The following ABCC4 variants were observed in gnomAD, a reference collection of about 807,000 sequenced individuals.
ABCC4 encodes the protein ATP binding cassette subfamily C member 4 (PEL blood group).
In ABCC4, 102 loss-of-function variants were observed where a neutral mutation model predicts 168.5. That is an observed-to-expected ratio of 0.61 (90% CI 0.52 to 0.71). The LOEUF (loss-of-function observed/expected upper bound fraction) is 0.71, where lower values mean the gene tolerates loss of function less well. Among genes scored for constraint, ABCC4 ranks in the 30% least tolerant of loss-of-function variants. ABCC4 has a pLI of 0.00. For synonymous variants in ABCC4, 617 were observed against 590.7 expected, an observed-to-expected ratio of 1.04 and a Z score of -0.65; for missense variants, 1,402 against 1,605.8, an observed-to-expected ratio of 0.87 and a Z score of 2.17.
intron 26 of ABCC4, chr13:95,053,818 A>G (rs1202567880): frequency 7.2e-5 from 11 of 152,534 alleles, no homozygotes; most frequent in Non-Finnish European, 1.2e-4. Context: ...CTCTACTAAA[A>G]ATACAAAAAT....
chr13:95,270,592 C>A (rs1375062012), intron 1 of ABCC4, among the ~76,000 whole-genome samples: 3 of 152,180 alleles, frequency 2.0e-5, no homozygotes, highest in Non-Finnish European at 4.4e-5. Context: ...AGCCCAGCGT[C>A]AACCAAGCAC....
intron 1 of ABCC4, among the ~76,000 whole-genome samples, chr13:95,290,122 A>AGATAGATG (rs2041357943): frequency 6.6e-6 from 1 of 151,500 alleles, no homozygotes; most frequent in Non-Finnish European, 1.5e-5. Flanking sequence ...ATAGATAGAT[A>AGATAGATG]GATAGATAGA....
At chr13:95,227,866 T>G (rs192161657) in intron 4 of ABCC4, among the ~76,000 whole-genome samples, 113 of 152,164 alleles carry the variant, frequency 7.4e-4, no homozygotes, top group African/African-American at 2.6e-3. Context: ...TGCACCACCA[T>G]GCCAGGCTAA....
At chr13:95,059,379 T>C (rs1055414628) in intron 26 of ABCC4, among the ~76,000 whole-genome samples, 1 of 152,218 alleles carries the variant, frequency 6.6e-6, no homozygotes, top group Non-Finnish European at 1.5e-5. Context: ...TTAGGAATTC[T>C]CACTACTTGT....
chr13:95,139,508 G>A (rs2036247367), intron 19 of ABCC4, among the ~76,000 whole-genome samples: 1 of 152,174 alleles, frequency 6.6e-6, no homozygotes. Context: ...ACAGCCCCAG[G>A]AGCCCCTCCA....
intron 15 of ABCC4, among the ~76,000 whole-genome samples, chr13:95,165,028 A>G (rs2037226951): frequency 6.6e-6 from 1 of 152,078 alleles, no homozygotes; most frequent in Non-Finnish European, 1.5e-5. Flanking sequence ...CAGCCATCCC[A>G]CTTTCAAGGT....
Position 95,218,965 on chromosome 13 carries a change from GA to G in ABCC4, c.532-8185del, listed in dbSNP as rs748565682. Among the ~76,000 whole-genome samples, 154 of 37,092 alleles carry G rather than the reference GA, an allele frequency of 4.2e-3. 13 individuals are homozygous for G. In the East Asian group the frequency reaches 0.054, roughly 13 times the overall value. 24.3% of individuals were successfully genotyped at this position (37,092 alleles called of 152,430 possible). A position where few individuals can be genotyped will look rare whatever the true frequency, so the allele number is the denominator to read the frequency against. On this transcript the variant is annotated intron_variant, in intron 4 of 30. Transcript: ENST00000645237. ...AGAAAGAAAGAAAGAAAGAAAGAAA[GA>G]AAGAAAGAAAGAAAGAAAGAGTGAG...
rs139491894 is a variant in ABCC4 at position 95,113,768 on chromosome 13, C to T, written c.2535+2154G>A. Among the ~76,000 whole-genome samples the T allele has an allele frequency of 9.1e-3, 1,387 of 152,138 alleles. 19 individuals are homozygous for T. Among genetic ancestry groups the T allele is most frequent in the Admixed American group, 0.025 (382 of 15,256 alleles). On this transcript the variant is annotated intron_variant, in intron 20 of 30. Coordinates refer to ENST00000645237, the MANE Select transcript of ABCC4 (RefSeq NM_005845.5). ...AATGCAAATCCCCGGGAGAAAGGCTCGGCACACAAAGTAAGATGAACCAGT... is the reference window on the plus strand; with the variant it reads ...AATGCAAATCCCCGGGAGAAAGGCTTGGCACACAAAGTAAGATGAACCAGT...
At chr13:95,225,143 TCTCTCTCTCTCACACACACACACA>T (rs1193290440) in intron 4 of ABCC4, among the ~76,000 whole-genome samples, 2 of 49,178 alleles carry the variant, frequency 4.1e-5, no homozygotes, top group African/African-American at 8.3e-5. Context: ...TCTGTCTGTC[TCTCTCTCTCTCACACACACACACA>T]CACACACACA....
chr13:95,127,374 C>T (rs11840734), intron 19 of ABCC4, among the ~76,000 whole-genome samples: 6,544 of 152,210 alleles, frequency 0.043, 237 homozygotes, highest in African/African-American at 0.1. Context: ...CAACCTCCGC[C>T]TCCTGGGTTC....
intron 19 of ABCC4, among the ~76,000 whole-genome samples, chr13:95,143,907 A>C (rs2036401645): frequency 6.6e-6 from 1 of 152,182 alleles, no homozygotes; most frequent in African/African-American, 2.4e-5. Context: ...ACTCATTTTC[A>C]AATGCTAAAT....
intron 19 of ABCC4, among the ~76,000 whole-genome samples, chr13:95,146,208 CAAAAAAAA>C (rs796273450): frequency 1.6e-5 from 2 of 124,860 alleles, no homozygotes; most frequent in Admixed American, 8.1e-5. Flanking sequence ...AAGACTCTCT[CAAAAAAAA>C]AAAAAAAAAG....
chr13:95,211,736 A>G (rs2038962450), intron 4 of ABCC4, among the ~76,000 whole-genome samples: 1 of 152,168 alleles, frequency 6.6e-6, no homozygotes, highest in Non-Finnish European at 1.5e-5. Context: ...AAGGAAGGTT[A>G]AACAGTAGAA....
chr13:95,110,714 T>C (rs985038159), intron 20 of ABCC4, among the ~76,000 whole-genome samples: 4 of 152,100 alleles, frequency 2.6e-5, no homozygotes, highest in African/African-American at 9.7e-5. Context: ...ATGTCTGTAA[T>C]CCCAGCACTT....
intron 4 of ABCC4, among the ~76,000 whole-genome samples, chr13:95,225,784 T>A (rs116263184): frequency 0.018 from 2,715 of 150,724 alleles, 82 homozygotes; most frequent in African/African-American, 0.062. Context: ...AAATATAAAA[T>A]ATAAAAATAT....
chr13:95,103,934 A>G (rs2034905748), intron 20 of ABCC4, among the ~76,000 whole-genome samples: 1 of 152,116 alleles, frequency 6.6e-6, no homozygotes, highest in South Asian at 2.1e-4. Flanking sequence ...ACTTCCTGCC[A>G]TATGTGCCTC....
At chr13:95,022,946 G>A (rs983129176) in intron 30 of ABCC4, among the ~76,000 whole-genome samples, 13 of 152,184 alleles carry the variant, frequency 8.5e-5, no homozygotes, top group African/African-American at 2.7e-4. Context: ...ATGCTGGAAT[G>A]CCACCAGAAG....
chr13:95,081,367 T>G (rs1173758129), intron 21 of ABCC4, among the ~76,000 whole-genome samples: 1 of 152,102 alleles, frequency 6.6e-6, no homozygotes, highest in African/African-American at 2.4e-5. Flanking sequence ...TACCACAGAC[T>G]CCCTTAAAAC....
At chr13:95,108,942 C>T (rs2035105066) in intron 20 of ABCC4, among the ~76,000 whole-genome samples, 1 of 152,156 alleles carries the variant, frequency 6.6e-6, no homozygotes, top group Non-Finnish European at 1.5e-5. Flanking sequence ...ACGTCACCTC[C>T]TCCTTGACTA....
Sources: gnomAD v4.1 joint callset for allele counts (sites outside exome capture counted in the v4.1 genomes callset) on GRCh38, gnomAD v4.1.1 for gene constraint, MANE v1.5 for transcripts, NCBI Gene and HGNC (gene_info 2026-07-23, HGNC 2026-07-21) for gene names.